ROBO1: variants seen among roughly 807,000 people sequenced by gnomAD.
ROBO1 encodes roundabout guidance receptor 1.
ROBO1 carries 149 observed loss-of-function variants against 195.9 expected under a neutral mutation model. That is an observed-to-expected ratio of 0.76 (90% CI 0.67 to 0.87). ROBO1 has a LOEUF of 0.87. Among genes scored for constraint, ROBO1 ranks in the 40% least tolerant of loss-of-function variants. The pLI, the probability that ROBO1 is intolerant of heterozygous loss-of-function variation, is 0.00. For missense variants in ROBO1, 1,933 were observed against 2,068.3 expected (o/e 0.93, Z 1.27); for synonymous variants, 816 against 733.2 (o/e 1.11, Z -1.82).
intron 2 of ROBO1, among the ~76,000 whole-genome samples, chr3:79,579,858 G>A (rs1055576324): frequency 6.6e-6 from 1 of 152,104 alleles, no homozygotes; most frequent in Non-Finnish European, 1.5e-5. Flanking sequence ...GAAAACCTAT[G>A]GCTCCAGTGA....
At position 79,288,950 on chromosome 3, in the gene ROBO1, AC is replaced by A. The variant is rs1238784148; in HGVS notation, c.89-163412del. 2.6e-5 allele frequency among the ~76,000 whole-genome samples: 4 copies of A among 152,292 alleles called. No individual in the cohort carries two copies. The East Asian group carries it at 7.7e-4, about 29-fold the overall frequency. ...TTTTTTTCACATCAGGAAATATAAA[AC>A]TTTGACAAGGACATTCAATGTTGTT... On this transcript the variant is annotated intron_variant, in intron 2 of 30. Coordinates refer to ENST00000464233, the MANE Select transcript of ROBO1 (RefSeq NM_002941.4).
At chr3:79,568,005 C>G (rs75933815) in intron 2 of ROBO1, among the ~76,000 whole-genome samples, 1,823 of 152,134 alleles carry the variant, frequency 0.012, 30 homozygotes, top group Middle Eastern at 0.051. Context: ...ACTTCTTCTA[C>G]GGCTAATGAA....
At chr3:79,713,255 A>G (rs1175712210) in intron 1 of ROBO1, among the ~76,000 whole-genome samples, 1 of 152,100 alleles carries the variant, frequency 6.6e-6, no homozygotes, top group Non-Finnish European at 1.5e-5. Context: ...CCATGGATCA[A>G]GGAGCAAATT....
chr3:79,510,008 A>T (rs1459726997), intron 2 of ROBO1, among the ~76,000 whole-genome samples: 1 of 152,116 alleles, frequency 6.6e-6, no homozygotes, highest in Non-Finnish European at 1.5e-5. Context: ...AATCACAAAA[A>T]AAAAACCAAC....
chr3:79,622,346 G>A (rs960086711), intron 1 of ROBO1, among the ~76,000 whole-genome samples: 3 of 152,200 alleles, frequency 2.0e-5, no homozygotes, highest in Non-Finnish European at 4.4e-5. Context: ...CACCCCAACT[G>A]TGGTTGCCTA....
chr3:79,697,494 T>C lies in ROBO1; in HGVS notation c.-51+70258A>G, dbSNP rs540912879. On this transcript the variant is annotated intron_variant, in intron 1 of 30. Transcript: ENST00000464233. ...TTATGGATCATGCAGAAGGGAAGAA[T>C]AAATATCAAAGTATGGAATAGCATA... Among the ~76,000 whole-genome samples, 26 of 151,438 alleles carry C rather than the reference T, an allele frequency of 1.7e-4. No homozygotes were observed. In the South Asian group the frequency reaches 5.2e-3, roughly 30 times the overall value.
intron 1 of ROBO1, among the ~76,000 whole-genome samples, chr3:79,663,612 A>G (rs1451795368): frequency 1.3e-5 from 2 of 152,020 alleles, no homozygotes; most frequent in African/African-American, 4.8e-5. Context: ...CCTCCCAAGT[A>G]GCTGAGGTTA....
intron 2 of ROBO1, among the ~76,000 whole-genome samples, chr3:79,275,516 C>A (rs957887123): frequency 1.3e-5 from 2 of 151,892 alleles, no homozygotes. Context: ...AGACCCATAG[C>A]TGGTATCATA....
At chr3:79,310,495 A>G (rs1003660989) in intron 2 of ROBO1, among the ~76,000 whole-genome samples, 1 of 152,182 alleles carries the variant, frequency 6.6e-6, no homozygotes, top group Non-Finnish European at 1.5e-5. Flanking sequence ...AGCTTTCTCT[A>G]TTCTACCATC....
chr3:79,248,129 G>T (rs2082657128), intron 2 of ROBO1, among the ~76,000 whole-genome samples: 1 of 152,070 alleles, frequency 6.6e-6, no homozygotes, highest in Non-Finnish European at 1.5e-5. Context: ...GGGGAAAAAT[G>T]ATATTGTCAT....
At position 79,426,132 on chromosome 3, in the gene ROBO1, GA is replaced by G. The variant is rs35648881; in HGVS notation, c.88+163691del. ...CACGTGTGTTACATAAGCACAATTC[GA>G]AAAATTCACTATTTTTATTTGAAAG... is the stretch of plus-strand genomic sequence containing the variant. On this transcript the variant is annotated intron_variant, in intron 2 of 30. Transcript: ENST00000464233. 3.1e-3 allele frequency among the ~76,000 whole-genome samples: 471 copies of G among 152,068 alleles called. 2 individuals carry two copies. The highest frequency in any genetic ancestry group is 0.011 in the African/African-American group (447 of 41,486).
intron 10 of ROBO1, among the ~76,000 whole-genome samples, chr3:78,673,562 T>TATATATATA (rs1708201366): frequency 1.6e-5 from 1 of 63,364 alleles, no homozygotes; most frequent in Non-Finnish European, 3.2e-5. Context: ...TACATATATT[T>TATATATATA]TATATATATA....
chr3:78,903,911 T>C (rs1213602814), intron 4 of ROBO1, among the ~76,000 whole-genome samples: 1 of 151,958 alleles, frequency 6.6e-6, no homozygotes, highest in African/African-American at 2.4e-5. Flanking sequence ...AATTAAGTGA[T>C]TGGGGTAAGT....
intron 3 of ROBO1, among the ~76,000 whole-genome samples, chr3:79,043,467 T>A (rs982879160): frequency 6.6e-6 from 1 of 152,096 alleles, no homozygotes; most frequent in Non-Finnish European, 1.5e-5. Flanking sequence ...TCAAAACCCA[T>A]ATCTAAGTTG....
intron 2 of ROBO1, among the ~76,000 whole-genome samples, chr3:79,305,051 G>A (rs960696552): frequency 1.3e-5 from 2 of 152,096 alleles, no homozygotes; most frequent in East Asian, 3.9e-4. Context: ...ATTTTATTAG[G>A]TGTGTCCCTA....
At chr3:79,027,157 C>A (rs1481769208) in intron 3 of ROBO1, among the ~76,000 whole-genome samples, 6 of 152,090 alleles carry the variant, frequency 3.9e-5, no homozygotes, top group Non-Finnish European at 8.8e-5. Flanking sequence ...TTTCATCTAA[C>A]TATCCATTTC....
chr3:78,785,921 A>G (rs960432137), intron 4 of ROBO1, among the ~76,000 whole-genome samples: 1 of 152,202 alleles, frequency 6.6e-6, no homozygotes, highest in African/African-American at 2.4e-5. Context: ...GGGCTGTTGT[A>G]TTTTAACAGG....
chr3:79,048,276 T>C (rs2078631537), intron 3 of ROBO1, among the ~76,000 whole-genome samples: 1 of 152,138 alleles, frequency 6.6e-6, no homozygotes, highest in African/African-American at 2.4e-5. Context: ...AGTCATCTAC[T>C]GATCTCTGGT....
chr3:79,497,617 GAA>G (rs1013222720), intron 2 of ROBO1, among the ~76,000 whole-genome samples: 1 of 151,910 alleles, frequency 6.6e-6, no homozygotes, highest in African/African-American at 2.4e-5. Flanking sequence ...ATTTATTGAT[GAA>G]AAAAGATTAA....
Sources: allele counts gnomAD v4.1 joint callset (sites outside exome capture counted in the v4.1 genomes callset), GRCh38; gene constraint gnomAD v4.1.1; transcripts MANE v1.5; gene names NCBI Gene and HGNC (gene_info 2026-07-23, HGNC 2026-07-21).